The following SENP6 variants were observed in gnomAD, a reference collection of about 807,000 sequenced individuals.
SENP6 encodes the protein SUMO specific peptidase 6, also known as sentrin-specific protease 6.
Under a neutral mutation model 134.5 loss-of-function variants are expected in SENP6, and 41 were observed. The observed-to-expected ratio is 0.30, with a 90% CI of 0.24 to 0.40. SENP6 has a LOEUF of 0.40. Among genes scored for constraint, SENP6 ranks in the 10% least tolerant of loss-of-function variants. SENP6 has a pLI of 1.00. For synonymous variants in SENP6, 395 were observed against 429.8 expected (o/e 0.92, Z 1.00); for missense variants, 1,248 against 1,312.5 (o/e 0.95, Z 0.76).
At chr6:75,618,777 T>C (rs1768041894) in intron 1 of SENP6, among the ~76,000 whole-genome samples, 1 of 152,222 alleles carries the variant, frequency 6.6e-6, no homozygotes, top group Admixed American at 6.5e-5. Context: ...CCTCTCTTGC[T>C]TATTTGTAAC....
chr6:75,703,500 A>G (rs1376239320), intron 19 of SENP6, among the ~76,000 whole-genome samples: 1 of 151,930 alleles, frequency 6.6e-6, no homozygotes, highest in Admixed American at 6.6e-5. Context: ...GTGGCTCACG[A>G]CTGTAATCCT....
intron 19 of SENP6, among the ~76,000 whole-genome samples, chr6:75,706,201 G>A (rs1384635569): frequency 1.3e-5 from 2 of 151,758 alleles, no homozygotes; most frequent in African/African-American, 4.8e-5. Context: ...GAGGTGGGTG[G>A]GAATGTAGGA....
At chr6:75,672,203 G>A (rs1268478977) in intron 11 of SENP6, among the ~76,000 whole-genome samples, 1 of 152,136 alleles carries the variant, frequency 6.6e-6, no homozygotes, top group Non-Finnish European at 1.5e-5. Context: ...GGAGTGCCCT[G>A]TAACTTTTAC....
chr6:75,697,521 A>T lies in SENP6; in HGVS notation c.2288+4A>T. 1 of 1,596,268 alleles carries T rather than the reference A, an allele frequency of 6.3e-7. No individual in the cohort carries two copies. The highest frequency in any genetic ancestry group is 8.6e-7 in the Non-Finnish European group (1 of 1,166,340). ...TTTTTGTACCCCTTAATGAAGCGTG[A>T]GTAAGAATTTCCTTTAAAGGAAAAT... On this transcript the variant is annotated splice_donor_region_variant and intron_variant, in intron 18 of 23. Transcript: ENST00000447266.
chr6:75,661,156 C>T (rs1771745738), intron 8 of SENP6, among the ~76,000 whole-genome samples: 1 of 152,208 alleles, frequency 6.6e-6, no homozygotes, highest in Non-Finnish European at 1.5e-5. Context: ...CATAAGTTCA[C>T]ACTGATAACT....
chr6:75,653,371 A>G (rs948112400), intron 7 of SENP6, among the ~76,000 whole-genome samples: 1 of 152,120 alleles, frequency 6.6e-6, no homozygotes, highest in African/African-American at 2.4e-5. Flanking sequence ...ATTGTAGTTG[A>G]ATCTGTTGTT....
chr6:75,638,993 G>C (rs989161303), intron 5 of SENP6, among the ~76,000 whole-genome samples: 5 of 152,126 alleles, frequency 3.3e-5, no homozygotes, highest in African/African-American at 1.2e-4. Context: ...CAAGGCTACA[G>C]TGAGCTGTGG....
At chr6:75,698,800 CA>C (rs1774824296) in intron 18 of SENP6, among the ~76,000 whole-genome samples, 1 of 152,026 alleles carries the variant, frequency 6.6e-6, no homozygotes, top group Non-Finnish European at 1.5e-5. Flanking sequence ...TACTTGAGGT[CA>C]GGGGTTCAAG....
intron 7 of SENP6, among the ~76,000 whole-genome samples, chr6:75,649,157 A>G (rs1770675033): frequency 6.6e-6 from 1 of 151,988 alleles, no homozygotes; most frequent in Non-Finnish European, 1.5e-5. Context: ...AAAAAAAAAA[A>G]TACAAAAATT....
intron 6 of SENP6, among the ~76,000 whole-genome samples, chr6:75,642,477 A>G (rs1770103491): frequency 6.6e-6 from 1 of 152,208 alleles, no homozygotes; most frequent in Admixed American, 6.5e-5. Flanking sequence ...GATAGGGAAG[A>G]GGTTGTGCTA....
At chr6:75,674,146 CTTTTTTTTTTTTTT>C (rs770350544) in intron 11 of SENP6, among the ~76,000 whole-genome samples, 1 of 128,492 alleles carries the variant, frequency 7.8e-6, no homozygotes, top group African/African-American at 2.9e-5. Flanking sequence ...CAAGCTACTC[CTTTTTTTTTTTTTT>C]TTTTTTTTTT....
rs747711104 is a variant in SENP6 at position 75,659,267 on chromosome 6, A to G, written c.556A>G (p.Ile186Val). The change falls in exon 8 of 24, where the codon ATA (isoleucine) becomes GTA (valine). Residue 186 changes from isoleucine (I) to valine (V), a missense_variant. Ile to Val is a conservative substitution (Grantham distance 29). This residue lies in a region of SENP6 where 733 missense variants were observed against 725.4 expected (regional missense o/e 1.01). Transcript: ENST00000447266. ...RLSRLQGVER[I>V]MKKTEESESQ... ...TTTTTTTCTCCTTCCTTTAGAACGT[A>G]TAATGAAGAAAACAGAAGAGTCCGA... 1.5e-5 allele frequency: 24 copies of G among 1,600,882 alleles called. No individual in the cohort carries two copies. The highest frequency in any genetic ancestry group is 1.7e-4 in the Middle Eastern group (1 of 6,024).
intron 1 of SENP6, among the ~76,000 whole-genome samples, chr6:75,608,943 A>G (rs1415462231): frequency 1.3e-5 from 2 of 152,196 alleles, no homozygotes; most frequent in African/African-American, 2.4e-5. Context: ...TTCACTGACT[A>G]CCTTTTTCTA....
chr6:75,679,205 A>C, intron 16 of SENP6: 1 of 272,232 alleles, frequency 3.7e-6, no homozygotes, highest in Admixed American at 5.5e-5. Context: ...CTTGAGCCCA[A>C]GAGTTCACGA....
intron 8 of SENP6, among the ~76,000 whole-genome samples, chr6:75,659,674 TAAG>T (rs901527157): frequency 6.2e-4 from 94 of 152,312 alleles, no homozygotes; most frequent in African/African-American, 2.2e-3. Context: ...CAAATAATTT[TAAG>T]AAGCCAAAAA....
At chr6:75,705,923 GC>G (rs754921182) in intron 19 of SENP6, among the ~76,000 whole-genome samples, 1,976 of 39,764 alleles carry the variant, frequency 0.05, 484 homozygotes, top group African/African-American at 0.16. Context: ...CTATTTTTGA[GC>G]CTTTTTTTTT....
At chr6:75,681,952 G>A (rs1331263398) in intron 16 of SENP6, among the ~76,000 whole-genome samples, 1 of 151,972 alleles carries the variant, frequency 6.6e-6, no homozygotes, top group South Asian at 2.1e-4. Flanking sequence ...GACTTCAGGG[G>A]CTGGGCTCAA....
intron 16 of SENP6, among the ~76,000 whole-genome samples, chr6:75,682,410 T>G (rs1290614448): frequency 1.3e-5 from 2 of 151,984 alleles, no homozygotes. Flanking sequence ...ATATTCTTTT[T>G]TTTTTTTAAT....
intron 14 of SENP6, chr6:75,677,820 A>G (rs985148486): frequency 2.0e-5 from 3 of 152,304 alleles, no homozygotes; most frequent in African/African-American, 7.2e-5. Flanking sequence ...GGTAAATAAT[A>G]CAAACATAAT....
Sources: gnomAD v4.1 joint callset for allele counts (sites outside exome capture counted in the v4.1 genomes callset) on GRCh38, gnomAD v4.1.1 for gene constraint, gnomAD v4.1.1 regional missense constraint, MANE v1.5 for transcripts, NCBI Gene and HGNC (gene_info 2026-07-23, HGNC 2026-07-21) for gene names.